The following UTRN variants were observed in gnomAD, a reference collection of about 807,000 sequenced individuals.
UTRN encodes the protein utrophin.
A neutral mutation model predicts 463.9 loss-of-function variants in UTRN; 283 were observed. That is an observed-to-expected ratio of 0.61 (90% CI 0.55 to 0.67). The LOEUF is 0.67. Ranked by LOEUF, UTRN falls within the 30% of genes least tolerant of loss-of-function variation. The probability of loss-of-function intolerance (pLI) is 0.00; values close to 1 mark genes in which losing one functional copy is unlikely to be tolerated. For synonymous variants in UTRN, 1,442 were observed against 1,431.5 expected (o/e 1.01, Z -0.17); for missense variants, 3,922 against 4,084.3 (o/e 0.96, Z 1.08).
At chr6:144,700,735 C>G (rs947589741) in intron 53 of UTRN, among the ~76,000 whole-genome samples, 2 of 143,252 alleles carry the variant, frequency 1.4e-5, no homozygotes, top group Non-Finnish European at 1.5e-5. Flanking sequence ...ACCCAACTAA[C>G]TTTGTTTTTT....
intron 2 of UTRN, among the ~76,000 whole-genome samples, chr6:144,353,856 C>CAAACAAAG (rs1043261372): frequency 6.6e-6 from 1 of 151,932 alleles, no homozygotes; most frequent in African/African-American, 2.4e-5. Context: ...AACAAACAAA[C>CAAACAAAG]AAACACACAC....
At chr6:144,692,564 G>C (rs930688936) in intron 52 of UTRN, among the ~76,000 whole-genome samples, 1 of 152,028 alleles carries the variant, frequency 6.6e-6, no homozygotes, top group Non-Finnish European at 1.5e-5. Context: ...GTTATATTTT[G>C]ACTTTTTACT....
intron 58 of UTRN, among the ~76,000 whole-genome samples, chr6:144,762,516 A>G (rs1792820988): frequency 1.3e-5 from 2 of 152,222 alleles, no homozygotes; most frequent in Non-Finnish European, 2.9e-5. Context: ...CTGCCGTTGT[A>G]TAGGCTTTTC....
At chr6:144,474,900 C>CA (rs1321675825) in intron 25 of UTRN, 141 bp downstream of exon 25, 660 of 845,244 alleles carry the variant, frequency 7.8e-4, no homozygotes, top group East Asian at 5.4e-3. Flanking sequence ...GAGCTGGGGC[C>CA]AAAAAAAAAG....
chr6:144,291,391 G>C (rs928497711), intron 1 of UTRN, among the ~76,000 whole-genome samples: 5 of 152,086 alleles, frequency 3.3e-5, no homozygotes, highest in African/African-American at 9.7e-5. Context: ...ATCTTTAAAG[G>C]CTTGGCTCAA....
At chr6:144,602,470 A>G (rs1804361061) in intron 51 of UTRN, among the ~76,000 whole-genome samples, 1 of 152,138 alleles carries the variant, frequency 6.6e-6, no homozygotes, top group Non-Finnish European at 1.5e-5. Flanking sequence ...ACAAAAGATC[A>G]CCAAACTTCT....
intron 53 of UTRN, among the ~76,000 whole-genome samples, chr6:144,719,294 C>A (rs919530028): frequency 2.6e-5 from 4 of 152,068 alleles, no homozygotes; most frequent in Non-Finnish European, 4.4e-5. Context: ...AAATTTGAAG[C>A]AAGGCCAGGC....
At chr6:144,421,034 T>C (rs533651789) in intron 3 of UTRN, among the ~76,000 whole-genome samples, 1 of 152,322 alleles carries the variant, frequency 6.6e-6, no homozygotes, top group Non-Finnish European at 1.5e-5. Context: ...TGAGATGGAG[T>C]CTTGCCATGT....
At chr6:144,721,681 A>G (rs1456778031) in intron 53 of UTRN, among the ~76,000 whole-genome samples, 1 of 152,218 alleles carries the variant, frequency 6.6e-6, no homozygotes, top group African/African-American at 2.4e-5. Context: ...TCTTGGGATC[A>G]GAAGTGTTTC....
At chr6:144,730,033 A>ATATTT (rs1280598291) in intron 53 of UTRN, among the ~76,000 whole-genome samples, 3 of 152,260 alleles carry the variant, frequency 2.0e-5, no homozygotes, top group Non-Finnish European at 4.4e-5. Flanking sequence ...AAAGGCTATT[A>ATATTT]TATTTTATCA....
chr6:144,497,842 T>C (rs1793808476), intron 33 of UTRN, among the ~76,000 whole-genome samples: 1 of 152,154 alleles, frequency 6.6e-6, no homozygotes, highest in Non-Finnish European at 1.5e-5. Context: ...ATTTTATGAG[T>C]CATCTGCATA....
At chr6:144,793,764 A>G (rs550946903) in intron 62 of UTRN, 70 bp from the exon 63 acceptor site, 81 of 1,553,760 alleles carry the variant, frequency 5.2e-5, no homozygotes, top group Admixed American at 1.1e-4. Context: ...AGTCCACATT[A>G]CCAAAGATAT....
intron 51 of UTRN, among the ~76,000 whole-genome samples, chr6:144,673,059 T>G (rs1781217267): frequency 6.6e-6 from 1 of 152,198 alleles, no homozygotes; most frequent in Non-Finnish European, 1.5e-5. Context: ...ATTTTGATTT[T>G]CTTAAATTTA....
chr6:144,482,674 T>C (rs1792020108), intron 27 of UTRN, among the ~76,000 whole-genome samples: 1 of 152,148 alleles, frequency 6.6e-6, no homozygotes, highest in Non-Finnish European at 1.5e-5. Flanking sequence ...ACTTTTTTTA[T>C]AGGTGCAATC....
At chr6:144,840,656 G>A in intron 72 of UTRN, 84 bp from the exon 73 acceptor site, 1 of 1,458,174 alleles carries the variant, frequency 6.9e-7, no homozygotes, top group Non-Finnish European at 9.5e-7. Context: ...GCTGGTTGGA[G>A]TATTTCCTCC....
chr6:144,522,018 T>C lies in UTRN; in HGVS notation c.5580T>C (p.Ala1860=). ...AACAGAGGAAAATGGGTCAACTTGC[T>C]TCTGGAATTAGATCATCACTTCTTC... is the stretch of plus-strand genomic sequence containing the variant. The part of the protein sequence containing the change: ...PIQQRKMGQL[A]SGIRSSLLPT... Residue 1860 remains alanine, a synonymous_variant, in exon 40 of 75, where the codon GCT becomes GCC. Coordinates refer to ENST00000367545, the MANE Select transcript of UTRN (RefSeq NM_007124.3). 1 of 1,580,080 alleles carries C rather than the reference T, an allele frequency of 6.3e-7. No homozygotes were observed. Among genetic ancestry groups the C allele is most frequent in the Non-Finnish European group, 8.6e-7 (1 of 1,166,210 alleles).
intron 23 of UTRN, among the ~76,000 whole-genome samples, chr6:144,468,591 A>AGTGTGTGT (rs113136064): frequency 1.3e-3 from 191 of 150,398 alleles, no homozygotes; most frequent in African/African-American, 4.6e-3. Flanking sequence ...CCCTTAAAGA[A>AGTGTGTGT]ATGTGTGTGT....
intron 51 of UTRN, among the ~76,000 whole-genome samples, chr6:144,677,064 A>AT (rs145824138): frequency 0.025 from 3,834 of 152,202 alleles, 163 homozygotes; most frequent in African/African-American, 0.086. Flanking sequence ...ATTACAATAC[A>AT]TTTTTTAAAA....
intron 51 of UTRN, among the ~76,000 whole-genome samples, chr6:144,645,421 T>C (rs1490885595): frequency 6.6e-6 from 1 of 152,232 alleles, no homozygotes; most frequent in African/African-American, 2.4e-5. Context: ...CAAAGATAAC[T>C]TCTGCATTAT....
Sources: allele counts gnomAD v4.1 joint callset (sites outside exome capture counted in the v4.1 genomes callset), GRCh38; gene constraint gnomAD v4.1.1; transcripts MANE v1.5; gene names NCBI Gene and HGNC (gene_info 2026-07-23, HGNC 2026-07-21).